The following FHIT variants were observed in gnomAD, a reference collection of about 807,000 sequenced individuals.
FHIT encodes fragile histidine triad diadenosine triphosphatase.
FHIT carries 19 observed loss-of-function variants against 17.9 expected under a neutral mutation model. The observed-to-expected ratio is 1.06, with a 90% confidence interval of 0.74 to 1.56. The LOEUF is 1.56. Ranked by LOEUF, FHIT falls within the 40% of genes most tolerant of loss-of-function variation. The probability of loss-of-function intolerance (pLI) is 0.00; values close to 1 mark genes in which losing one functional copy is unlikely to be tolerated. For missense variants in FHIT, 248 were observed against 189.2 expected (o/e 1.31, Z -1.82); for synonymous variants, 81 against 69.7 (o/e 1.16, Z -0.81).
At chr3:59,780,606 A>ATG (rs1702538753) in intron 8 of FHIT, among the ~76,000 whole-genome samples, 1 of 151,954 alleles carries the variant, frequency 6.6e-6, no homozygotes, top group Non-Finnish European at 1.5e-5. Flanking sequence ...GGGCCTTCGC[A>ATG]GAGGTGATTA....
chr3:61,175,814 T>A (rs530686511), intron 2 of FHIT, among the ~76,000 whole-genome samples: 5 of 152,194 alleles, frequency 3.3e-5, no homozygotes, highest in Non-Finnish European at 7.3e-5. Context: ...TGCATTGATC[T>A]TGGACTTCTC....
chr3:59,911,596 T>C (rs1704879112), intron 8 of FHIT, among the ~76,000 whole-genome samples: 1 of 152,238 alleles, frequency 6.6e-6, no homozygotes, highest in Non-Finnish European at 1.5e-5. Flanking sequence ...CTAAGCCTCA[T>C]ATTCCAGCTT....
intron 5 of FHIT, among the ~76,000 whole-genome samples, chr3:60,125,654 A>G (rs1705510665): frequency 6.9e-6 from 1 of 145,240 alleles, no homozygotes; most frequent in Non-Finnish European, 1.5e-5. Flanking sequence ...ATATGTGTGT[A>G]TGTGTTTGTG....
chr3:60,587,353 G>C (rs1363073962), intron 4 of FHIT, among the ~76,000 whole-genome samples: 1 of 151,938 alleles, frequency 6.6e-6, no homozygotes, highest in Non-Finnish European at 1.5e-5. Context: ...GCCAGTTGGC[G>C]GGTGGGGAGC....
chr3:61,173,435 A>G lies in FHIT; in HGVS notation c.-164+27182T>C, dbSNP rs573804046. Among the ~76,000 whole-genome samples the G allele has an allele frequency of 2.6e-5, 4 of 152,330 alleles. No homozygotes were observed. The South Asian group carries it at 8.3e-4, about 32-fold the overall frequency. ...CATTGTATGTGTGTGTGTTGTTTCTAAAGACCTGTGGTATTTATTATTGTT... is the reference window on the plus strand; with the variant it reads ...CATTGTATGTGTGTGTGTTGTTTCTGAAGACCTGTGGTATTTATTATTGTT... On this transcript the variant is annotated intron_variant, in intron 2 of 9. Coordinates refer to ENST00000492590, the MANE Select transcript of FHIT (RefSeq NM_002012.4).
intron 5 of FHIT, among the ~76,000 whole-genome samples, chr3:60,201,121 C>T (rs1449889365): frequency 6.6e-6 from 1 of 152,080 alleles, no homozygotes; most frequent in Non-Finnish European, 1.5e-5. Context: ...GTCTTTACTG[C>T]TCCCTCTAGC....
At chr3:60,678,177 A>G (rs1039385595) in intron 4 of FHIT, among the ~76,000 whole-genome samples, 1 of 152,088 alleles carries the variant, frequency 6.6e-6, no homozygotes, top group Non-Finnish European at 1.5e-5. Context: ...TTAACAACCA[A>G]TTTATATCAT....
intron 5 of FHIT, among the ~76,000 whole-genome samples, chr3:60,071,805 G>A (rs114689709): frequency 0.011 from 1,748 of 152,266 alleles, 18 homozygotes; most frequent in Non-Finnish European, 0.02. Context: ...AGAGGTAATT[G>A]ACCCATGGGG....
rs981722375 is a variant in FHIT, at chr3:60,392,441, A to G, written c.103+144419T>C. Among the ~76,000 whole-genome samples the G allele has an allele frequency of 1.1e-4, 17 of 152,194 alleles. 1 individual carries two copies. The highest frequency in any genetic ancestry group is 7.2e-4 in the Admixed American group (11 of 15,278). ...CTACAGTGGCAGACCATCAACATCA[A>G]TTTCCAAGGAAAAAATTCACCTTGT... On this transcript the variant is annotated intron_variant, in intron 5 of 9. Coordinates refer to ENST00000492590, the MANE Select transcript of FHIT (RefSeq NM_002012.4).
At chr3:59,918,351 T>C (rs1451038627) in intron 8 of FHIT, among the ~76,000 whole-genome samples, 1 of 152,148 alleles carries the variant, frequency 6.6e-6, no homozygotes, top group Non-Finnish European at 1.5e-5. Context: ...TAATAAATTA[T>C]GTCAAGTGTG....
intron 4 of FHIT, among the ~76,000 whole-genome samples, chr3:60,652,974 T>C (rs1553688709): frequency 6.7e-6 from 1 of 149,928 alleles, no homozygotes; most frequent in African/African-American, 2.5e-5. Context: ...TCTAGCACAT[T>C]GCGATTCCCC....
intron 5 of FHIT, among the ~76,000 whole-genome samples, chr3:60,020,096 A>G (rs1382374113): frequency 2.0e-5 from 3 of 152,140 alleles, no homozygotes; most frequent in African/African-American, 7.2e-5. Flanking sequence ...CACAGAACCA[A>G]CTGCAAAGGA....
At chr3:60,618,628 T>C (rs1553676914) in intron 4 of FHIT, among the ~76,000 whole-genome samples, 1 of 152,210 alleles carries the variant, frequency 6.6e-6, no homozygotes, top group Non-Finnish European at 1.5e-5. Flanking sequence ...TGGCCACACC[T>C]AAAGATGTCA....
chr3:59,809,791 A>T (rs1029151306), intron 8 of FHIT, among the ~76,000 whole-genome samples: 1 of 152,078 alleles, frequency 6.6e-6, no homozygotes, highest in Admixed American at 6.5e-5. Context: ...TCCTTTGAGG[A>T]TCCCTTCCCC....
chr3:60,814,249 G>C (rs2364294), intron 4 of FHIT, among the ~76,000 whole-genome samples: 58,882 of 151,934 alleles, frequency 0.39, 13,588 homozygotes, highest in East Asian at 0.74. Flanking sequence ...TTGCATGTTT[G>C]TTACCTGGGT....
chr3:60,524,570 T>C (rs1440013700), intron 5 of FHIT, among the ~76,000 whole-genome samples: 4 of 152,232 alleles, frequency 2.6e-5, no homozygotes, highest in African/African-American at 9.6e-5. Context: ...CAAATTACCA[T>C]AAATTGGTGG....
chr3:60,190,942 C>G (rs990980115), intron 5 of FHIT, among the ~76,000 whole-genome samples: 1 of 149,570 alleles, frequency 6.7e-6, no homozygotes, highest in Non-Finnish European at 1.5e-5. Context: ...GACTCCATCT[C>G]AAAAAAAAAC....
chr3:60,460,917 T>G (rs568058829), intron 5 of FHIT, among the ~76,000 whole-genome samples: 10 of 152,328 alleles, frequency 6.6e-5, no homozygotes, highest in Admixed American at 6.5e-4. Flanking sequence ...ACGTACAAAT[T>G]TAAGGGAACC....
intron 7 of FHIT, among the ~76,000 whole-genome samples, chr3:59,929,494 C>A (rs1705855909): frequency 6.6e-6 from 1 of 150,786 alleles, no homozygotes; most frequent in African/African-American, 2.4e-5. Context: ...ACTCAGCCTC[C>A]TGAGTAGCTG....
Sources: allele counts gnomAD v4.1 joint callset (sites outside exome capture counted in the v4.1 genomes callset), GRCh38; gene constraint gnomAD v4.1.1; transcripts MANE v1.5; gene names NCBI Gene and HGNC (gene_info 2026-07-23, HGNC 2026-07-21).